The following SLC35F3 variants were observed in gnomAD, a reference collection of about 807,000 sequenced individuals.
SLC35F3 encodes putative thiamine transporter SLC35F3.
In SLC35F3, 25 loss-of-function variants were observed where a neutral mutation model predicts 49.9. The ratio of observed to expected loss-of-function variants is 0.50; its 90% confidence interval spans 0.37 to 0.70. The LOEUF (loss-of-function observed/expected upper bound fraction) is 0.70. Among genes scored for constraint, SLC35F3 ranks in the 30% least tolerant of loss-of-function variants. The pLI, the probability that SLC35F3 is intolerant of heterozygous loss-of-function variation, is 0.00. For missense variants in SLC35F3, 525 were observed against 639.8 expected (o/e 0.82, Z 1.94); for synonymous variants, 275 against 265.4 (o/e 1.04, Z -0.35).
chr1:234,040,357 A>T (rs1664201659), intron 2 of SLC35F3, among the ~76,000 whole-genome samples: 1 of 152,138 alleles, frequency 6.6e-6, no homozygotes, highest in African/African-American at 2.4e-5. Flanking sequence ...TTGTAAAAAG[A>T]CGTTATTCAA....
At chr1:234,117,912 A>ATGTGTG (rs370186911) in intron 2 of SLC35F3, among the ~76,000 whole-genome samples, 1 of 113,936 alleles carries the variant, frequency 8.8e-6, no homozygotes, top group Non-Finnish European at 1.7e-5. Context: ...AAGACTATAT[A>ATGTGTG]TGTGTGTGTG....
At chr1:234,254,391 A>C (rs1022864634) in intron 3 of SLC35F3, among the ~76,000 whole-genome samples, 3 of 152,368 alleles carry the variant, frequency 2.0e-5, no homozygotes, top group Middle Eastern at 3.4e-3. Context: ...CCAATGGTGC[A>C]GATGTGGGTT....
chr1:233,930,040 T>A (rs1056481963), intron 2 of SLC35F3, among the ~76,000 whole-genome samples: 4 of 152,028 alleles, frequency 2.6e-5, no homozygotes, highest in African/African-American at 9.7e-5. Flanking sequence ...TCCCAGCTAC[T>A]CAGGAGACTG....
chr1:234,303,282 A>G (rs1293920090), intron 3 of SLC35F3, among the ~76,000 whole-genome samples: 2 of 151,938 alleles, frequency 1.3e-5, no homozygotes, highest in Non-Finnish European at 2.9e-5. Context: ...AATGATTGCT[A>G]TTTTTTCCCC....
chr1:234,244,733 A>G (rs187799212), intron 3 of SLC35F3, among the ~76,000 whole-genome samples: 105 of 152,246 alleles, frequency 6.9e-4, no homozygotes, highest in African/African-American at 2.1e-3. Context: ...GGAAGTTTCA[A>G]TTCCACATTT....
intron 2 of SLC35F3, among the ~76,000 whole-genome samples, chr1:234,217,426 T>A (rs897389201): frequency 2.6e-5 from 4 of 152,218 alleles, no homozygotes; most frequent in African/African-American, 9.6e-5. Context: ...GGAAGAGACA[T>A]ACAGATAGAT....
At chr1:234,086,833 A>G (rs1664968603) in intron 2 of SLC35F3, among the ~76,000 whole-genome samples, 1 of 152,240 alleles carries the variant, frequency 6.6e-6, no homozygotes, top group South Asian at 2.1e-4. Context: ...AAGGACATGT[A>G]GAGATTTACA....
chr1:234,092,892 A>G (rs1023367362), intron 2 of SLC35F3, among the ~76,000 whole-genome samples: 2 of 152,190 alleles, frequency 1.3e-5, no homozygotes, highest in Admixed American at 6.5e-5. Flanking sequence ...AAATTAAAAG[A>G]TAAATAAAAT....
chr1:234,106,847 A>G (rs1256289731), intron 2 of SLC35F3, among the ~76,000 whole-genome samples: 2 of 152,142 alleles, frequency 1.3e-5, no homozygotes, highest in African/African-American at 4.8e-5. Context: ...GACACAGAGG[A>G]CGGCCAAGTG....
At chr1:234,029,742 G>A (rs1265870869) in intron 2 of SLC35F3, among the ~76,000 whole-genome samples, 1 of 152,100 alleles carries the variant, frequency 6.6e-6, no homozygotes, top group Non-Finnish European at 1.5e-5. Flanking sequence ...CATGCCTATG[G>A]TGCTGGCTAC....
intron 2 of SLC35F3, among the ~76,000 whole-genome samples, chr1:233,954,047 T>C (rs1311120156): frequency 1.4e-5 from 2 of 147,104 alleles, no homozygotes; most frequent in East Asian, 2.2e-4. Flanking sequence ...CGCTCTGTCA[T>C]CCAGGCTGGA....
intron 3 of SLC35F3, among the ~76,000 whole-genome samples, chr1:234,236,925 T>TTTTA (rs1553317673): frequency 4.2e-5 from 4 of 96,294 alleles, no homozygotes; most frequent in African/African-American, 1.6e-4. Context: ...AAAAAAAAAA[T>TTTTA]TATATATATA....
At position 234,231,003 on chromosome 1, in the gene SLC35F3, G is replaced by C. The variant is rs1448901391; in HGVS notation, c.284-414G>C. On this transcript the variant is annotated intron_variant, in intron 2 of 7. Transcript: ENST00000366618. This position sits in a 1 kb window ranked among gnomAD's most constrained non-coding sequence, Gnocchi z 5.4. Reference sequence around the variant, plus strand: ...CGCACCCAGGAGCACGTGAGTACTCGTCAACTGACATAAATGAGAGTGGAG... The same window carrying C: ...CGCACCCAGGAGCACGTGAGTACTCCTCAACTGACATAAATGAGAGTGGAG... 6.6e-6 allele frequency among the ~76,000 whole-genome samples: 1 copy of C among 152,174 alleles called. No homozygotes were observed. The highest frequency in any genetic ancestry group is 6.5e-5 in the Admixed American group (1 of 15,284).
At chr1:234,194,113 C>A (rs1253225704) in intron 2 of SLC35F3, among the ~76,000 whole-genome samples, 2 of 144,346 alleles carry the variant, frequency 1.4e-5, no homozygotes, top group Non-Finnish European at 3.1e-5. Context: ...TGGGTATATA[C>A]CCAGAGGAAA....
At chr1:234,179,985 TCAG>T (rs991357262) in intron 2 of SLC35F3, among the ~76,000 whole-genome samples, 73 of 152,332 alleles carry the variant, frequency 4.8e-4, no homozygotes, top group Middle Eastern at 3.4e-3. Context: ...AAGGAAAATT[TCAG>T]CAGTTCAGCA....
At chr1:233,944,842 C>T (rs1272572811) in intron 2 of SLC35F3, among the ~76,000 whole-genome samples, 2 of 146,576 alleles carry the variant, frequency 1.4e-5, no homozygotes, top group East Asian at 1.9e-4. Flanking sequence ...TAATGATAAA[C>T]GATGCTCTTA....
At chr1:234,139,687 C>A (rs897635657) in intron 2 of SLC35F3, among the ~76,000 whole-genome samples, 1 of 152,072 alleles carries the variant, frequency 6.6e-6, no homozygotes, top group African/African-American at 2.4e-5. Context: ...CGGTGTCTCA[C>A]ACCTGTAATC....
intron 2 of SLC35F3, among the ~76,000 whole-genome samples, chr1:234,142,042 A>G (rs931286009): frequency 6.6e-6 from 1 of 152,184 alleles, no homozygotes; most frequent in South Asian, 2.1e-4. Context: ...GGTAGATGGT[A>G]GCCCCTTGGT....
At chr1:233,924,350 A>G (rs1442112429) in intron 2 of SLC35F3, among the ~76,000 whole-genome samples, 7 of 152,156 alleles carry the variant, frequency 4.6e-5, no homozygotes, top group Admixed American at 1.3e-4. Flanking sequence ...CAGGGATTCA[A>G]CTTCTTCCTG....
Sources: allele counts gnomAD v4.1 joint callset (sites outside exome capture counted in the v4.1 genomes callset), GRCh38; gene constraint gnomAD v4.1.1; non-coding constraint Gnocchi (gnomAD v3.1); transcripts MANE v1.5; gene names NCBI Gene and HGNC (gene_info 2026-07-23, HGNC 2026-07-21).